TMEM184B: variants seen among roughly 807,000 people sequenced by gnomAD.
The protein encoded by TMEM184B is transmembrane protein 184B, also known as putative MAPK-activating protein FM08.
TMEM184B carries 17 observed loss-of-function variants against 41.8 expected under a neutral mutation model. That is an observed-to-expected ratio of 0.41 (90% CI 0.28 to 0.61). The LOEUF (loss-of-function observed/expected upper bound fraction) is 0.61. TMEM184B is among the 20% of genes least tolerant of loss of function. The pLI is 0.34. For missense variants in TMEM184B, 393 were observed against 557.8 expected, an observed-to-expected ratio of 0.70 and a Z score of 2.98; for synonymous variants, 240 against 229.5, an observed-to-expected ratio of 1.05 and a Z score of -0.41.
At chr22:38,259,869 G>C (rs1055516679) in intron 1 of TMEM184B, among the ~76,000 whole-genome samples, 1 of 151,126 alleles carries the variant, frequency 6.6e-6, no homozygotes, top group African/African-American at 2.4e-5. Flanking sequence ...TCTGCCTCCT[G>C]GGTTCAAGCA....
rs147103771 is a variant in TMEM184B at position 38,227,864 on chromosome 22, G to T, written c.526-994C>A. Among the ~76,000 whole-genome samples the T allele has an allele frequency of 4.4e-3, 668 of 152,284 alleles. 5 individuals carry two copies. Among genetic ancestry groups the T allele is most frequent in the African/African-American group, 0.015 (622 of 41,570 alleles). ...AAGAGTTCCTCAGCCAGGTTTTCCC[G>T]ATTCCCTACGGGCGGACCCATGGTG... On this transcript the variant is annotated intron_variant, in intron 5 of 8. Transcript: ENST00000361906.
intron 3 of TMEM184B, among the ~76,000 whole-genome samples, chr22:38,237,580 A>G (rs1000825634): frequency 6.6e-6 from 1 of 152,264 alleles, no homozygotes; most frequent in Non-Finnish European, 1.5e-5. Context: ...TAACGGGTGG[A>G]TGAGCCTGGA....
At chr22:38,256,878 A>G (rs747534541) in intron 1 of TMEM184B, among the ~76,000 whole-genome samples, 3 of 152,132 alleles carry the variant, frequency 2.0e-5, no homozygotes, top group Non-Finnish European at 4.4e-5. Context: ...TTGCAAAAAT[A>G]GAATCTAGGG....
rs1206712469 is a variant in TMEM184B at position 38,239,006 on chromosome 22, C to G, written c.358+6929G>C. The stretch of plus-strand genomic sequence containing the variant: ...CGCAAACATTCCTAACAAACAGCAA[C>G]TGCATAAAGCGACATACGGACACCG... On this transcript the variant is annotated intron_variant, in intron 3 of 8. Transcript: ENST00000361906. The surrounding 1 kb of genome is among the most constrained non-coding windows in gnomAD (Gnocchi z 4.6). Among the ~76,000 whole-genome samples, 1 of 152,236 alleles carries G rather than the reference C, an allele frequency of 6.6e-6. No individual in the cohort carries two copies. Among genetic ancestry groups the G allele is most frequent in the Non-Finnish European group, 1.5e-5 (1 of 68,042 alleles).
intron 1 of TMEM184B, among the ~76,000 whole-genome samples, chr22:38,257,541 CA>C (rs2092302525): frequency 6.6e-6 from 1 of 152,178 alleles, no homozygotes; most frequent in African/African-American, 2.4e-5. Flanking sequence ...CCAGACCTTC[CA>C]AACTCTCTCT....
chr22:38,270,120 C>A (rs934044231), intron 1 of TMEM184B, among the ~76,000 whole-genome samples: 1 of 152,306 alleles, frequency 6.6e-6, no homozygotes, highest in African/African-American at 2.4e-5. Flanking sequence ...CAAGCCTCTG[C>A]GTCTGAGAGG....
rs182256855 is a variant in TMEM184B at position 38,257,308 on chromosome 22, T to C, written c.-58-9289A>G. Reference sequence around the variant, plus strand: ...AAAATAAAATACCTTCCATTTCGTTTACAAAAACGTGATTGGCATCAGGGA... The same window carrying C: ...AAAATAAAATACCTTCCATTTCGTTCACAAAAACGTGATTGGCATCAGGGA... On this transcript the variant is annotated intron_variant, in intron 1 of 8. Coordinates refer to ENST00000361906, the MANE Select transcript of TMEM184B (RefSeq NM_012264.5). Among the ~76,000 whole-genome samples the C allele has an allele frequency of 4.1e-4, 63 of 152,302 alleles. 1 individual carries two copies. Among genetic ancestry groups the C allele is most frequent in the African/African-American group, 1.5e-3 (61 of 41,562 alleles).
At chr22:38,263,003 CAT>C (rs1253098171) in intron 1 of TMEM184B, among the ~76,000 whole-genome samples, 1 of 152,158 alleles carries the variant, frequency 6.6e-6, no homozygotes, top group African/African-American at 2.4e-5. Flanking sequence ...CTAGGGTTCA[CAT>C]GATTCTCCTG....
intron 2 of TMEM184B, 83 bp from the exon 3 acceptor site, chr22:38,246,183 G>T: frequency 6.6e-7 from 1 of 1,515,360 alleles, no homozygotes; most frequent in Non-Finnish European, 8.9e-7. Flanking sequence ...CTCTGCCACC[G>T]ACTCATCTGT....
At chr22:38,268,324 G>A (rs1407708844) in intron 1 of TMEM184B, among the ~76,000 whole-genome samples, 2 of 149,982 alleles carry the variant, frequency 1.3e-5, no homozygotes, top group African/African-American at 2.5e-5. Context: ...GCAGTGAGCC[G>A]AGATCCTGCC....
chr22:38,235,817 G>A (rs1303357148), intron 3 of TMEM184B, among the ~76,000 whole-genome samples: 1 of 152,226 alleles, frequency 6.6e-6, no homozygotes, highest in Non-Finnish European at 1.5e-5. Context: ...ACAAATAAAA[G>A]ATGCGTGCGT....
chr22:38,228,087 G>T (rs1336277407), intron 5 of TMEM184B, among the ~76,000 whole-genome samples: 1 of 152,172 alleles, frequency 6.6e-6, no homozygotes, highest in Non-Finnish European at 1.5e-5. Context: ...ATCTGAGTGG[G>T]TCTTGCAGGG....
chr22:38,266,506 C>T (rs1414970373), intron 1 of TMEM184B, among the ~76,000 whole-genome samples: 2 of 152,168 alleles, frequency 1.3e-5, no homozygotes, highest in African/African-American at 2.4e-5. Context: ...GCAACGGTGC[C>T]GTCCAGCTAA....
chr22:38,262,642 G>A (rs1007582079), intron 1 of TMEM184B, among the ~76,000 whole-genome samples: 1 of 152,226 alleles, frequency 6.6e-6, no homozygotes, highest in Admixed American at 6.5e-5. Flanking sequence ...CGGAGCAAGG[G>A]TTGAAAATGA....
At chr22:38,261,807 C>G (rs2092372325) in intron 1 of TMEM184B, among the ~76,000 whole-genome samples, 1 of 152,196 alleles carries the variant, frequency 6.6e-6, no homozygotes, top group Non-Finnish European at 1.5e-5. Flanking sequence ...GCTGTCTAAA[C>G]CAGGATCCCT....
At chr22:38,261,571 T>A (rs1202728816) in intron 1 of TMEM184B, among the ~76,000 whole-genome samples, 1 of 152,182 alleles carries the variant, frequency 6.6e-6, no homozygotes, top group Non-Finnish European at 1.5e-5. Context: ...AGCCTTGTAA[T>A]TAGGTTCTTT....
intron 1 of TMEM184B, among the ~76,000 whole-genome samples, chr22:38,259,183 C>T (rs936571493): frequency 3.3e-5 from 5 of 152,180 alleles, no homozygotes; most frequent in African/African-American, 1.2e-4. Flanking sequence ...AGCATCCCAC[C>T]ATCTCACCCA....
intron 3 of TMEM184B, among the ~76,000 whole-genome samples, chr22:38,242,489 GA>G (rs1247657083): frequency 6.6e-6 from 1 of 151,784 alleles, no homozygotes; most frequent in Admixed American, 6.6e-5. Flanking sequence ...AAAAAAAAAA[GA>G]AAAAAAGCAA....
chr22:38,270,901 G>A (rs1031654528), intron 1 of TMEM184B, among the ~76,000 whole-genome samples: 3 of 152,198 alleles, frequency 2.0e-5, no homozygotes, highest in African/African-American at 7.2e-5. Flanking sequence ...CTCTAAGACA[G>A]AGAGGGAGCA....
Sources: allele counts gnomAD v4.1 joint callset (sites outside exome capture counted in the v4.1 genomes callset), GRCh38; gene constraint gnomAD v4.1.1; non-coding constraint Gnocchi (gnomAD v3.1); transcripts MANE v1.5; gene names NCBI Gene and HGNC (gene_info 2026-07-23, HGNC 2026-07-21).